WDPCP: variants seen among roughly 807,000 people sequenced by gnomAD.
WDPCP encodes WD repeat containing planar cell polarity effector.
WDPCP carries 71 observed loss-of-function variants against 93.1 expected under a neutral mutation model. The observed-to-expected ratio is 0.76, with a 90% CI of 0.63 to 0.93. The LOEUF is 0.93. WDPCP is among the 40% of genes least tolerant of loss of function. The pLI is 0.00. For missense variants in WDPCP, 844 were observed against 887.4 expected (o/e 0.95, Z 0.62); for synonymous variants, 315 against 315.0 (o/e 1.00, Z 0.00).
intron 9 of WDPCP, among the ~76,000 whole-genome samples, chr2:63,431,554 G>GAA (rs140153126): frequency 1.1e-4 from 15 of 136,984 alleles, no homozygotes; most frequent in African/African-American, 3.2e-4. Context: ...GGCTGCTACT[G>GAA]AAAAAAAAAA....
At chr2:63,297,072 C>A (rs1468214799) in intron 13 of WDPCP, among the ~76,000 whole-genome samples, 1 of 152,142 alleles carries the variant, frequency 6.6e-6, no homozygotes, top group Non-Finnish European at 1.5e-5. Context: ...ATAAGGATGG[C>A]ACCATGTCTG....
At chr2:63,332,621 G>A (rs1688062277) in intron 12 of WDPCP, among the ~76,000 whole-genome samples, 1 of 151,944 alleles carries the variant, frequency 6.6e-6, no homozygotes, top group South Asian at 2.1e-4. Context: ...ATATATGCTG[G>A]ATACAATACT....
At chr2:63,540,431 G>A (rs1333574621) in intron 1 of WDPCP, among the ~76,000 whole-genome samples, 1 of 152,128 alleles carries the variant, frequency 6.6e-6, no homozygotes, top group East Asian at 1.9e-4. Flanking sequence ...TCCTCTCATG[G>A]TGGGATAAGG....
At chr2:63,142,249 A>C (rs983834828) in intron 17 of WDPCP, among the ~76,000 whole-genome samples, 1 of 151,970 alleles carries the variant, frequency 6.6e-6, no homozygotes. Flanking sequence ...GTGCCCTTTC[A>C]GTCTTTTTGA....
rs1261114184 is a variant in WDPCP at position 63,581,463 on chromosome 2, A to C, written c.75+6734T>G. Among the ~76,000 whole-genome samples, 5 of 152,304 alleles carry C rather than the reference A, an allele frequency of 3.3e-5. No individual in the cohort carries two copies. The South Asian group carries it at 1.0e-3, about 32-fold the overall frequency. On this transcript the variant is annotated intron_variant, in intron 1 of 17. Coordinates refer to ENST00000272321, the MANE Select transcript of WDPCP (RefSeq NM_015910.7). ...TTACAGATAACAGTGCTTGGCACTCATATCGGGCTGGGAATAGTGCCTGTT... is the reference window on the plus strand; with the variant it reads ...TTACAGATAACAGTGCTTGGCACTCCTATCGGGCTGGGAATAGTGCCTGTT...
chr2:63,716,304 A>G (rs998234325), intron 2 of WDPCP, among the ~76,000 whole-genome samples: 4 of 152,196 alleles, frequency 2.6e-5, no homozygotes, highest in African/African-American at 9.7e-5. Context: ...CTTCATGATT[A>G]CTTTCTTATT....
In WDPCP at chr2:63,486,523, A is replaced by C; in HGVS notation, c.253+19T>G. On this transcript the variant is annotated intron_variant, in intron 4 of 17. Transcript: ENST00000272321. The stretch of plus-strand genomic sequence containing the variant: ...TTTACAGTTTTATAATAATTCCAAA[A>C]AATATAAAGTAAGCTTACACTCTGC... 1 of 1,556,790 alleles carries C rather than the reference A, an allele frequency of 6.4e-7. No individual in the cohort carries two copies. The highest frequency in any genetic ancestry group is 1.8e-5 in the Admixed American group (1 of 55,092).
chr2:63,413,945 A>G (rs1695213235), intron 9 of WDPCP, among the ~76,000 whole-genome samples: 1 of 152,110 alleles, frequency 6.6e-6, no homozygotes, highest in Non-Finnish European at 1.5e-5. Context: ...CAAAGGATTA[A>G]TATCTAGAAT....
chr2:63,636,211 A>G (rs1709919280), intron 3 of WDPCP, among the ~76,000 whole-genome samples: 1 of 152,238 alleles, frequency 6.6e-6, no homozygotes, highest in Admixed American at 6.5e-5. Context: ...CATTGAAGAC[A>G]TAAACAAATG....
chr2:63,493,633 CT>C (rs1457452979), intron 1 of WDPCP, among the ~76,000 whole-genome samples: 62 of 144,140 alleles, frequency 4.3e-4, no homozygotes, highest in Middle Eastern at 3.5e-3. Context: ...ACTATGAATA[CT>C]TTTTTTTTTT....
rs184068772 is a variant in WDPCP, at chr2:63,540,178, T to C, written c.76-47238A>G. Among the ~76,000 whole-genome samples, 236 of 152,336 alleles carry C rather than the reference T, an allele frequency of 1.5e-3. 1 individual carries two copies. Among genetic ancestry groups the C allele is most frequent in the African/African-American group, 5.0e-3 (208 of 41,584 alleles). ...GTATTTAATTTACTAATTATTTTTA[T>C]AAACAATAGACAAATATTTATTTGG... On this transcript the variant is annotated intron_variant, in intron 1 of 17. Coordinates refer to ENST00000272321, the MANE Select transcript of WDPCP (RefSeq NM_015910.7).
At chr2:63,625,559 G>A (rs563647348) in intron 3 of WDPCP, among the ~76,000 whole-genome samples, 9 of 152,232 alleles carry the variant, frequency 5.9e-5, no homozygotes, top group African/African-American at 2.2e-4. Context: ...GCCAAATCAT[G>A]AGTGAACTCC....
intron 14 of WDPCP, among the ~76,000 whole-genome samples, chr2:63,179,244 A>C (rs1477990483): frequency 6.6e-6 from 1 of 151,410 alleles, no homozygotes; most frequent in Non-Finnish European, 1.5e-5. Context: ...GGTAATTTAT[A>C]AAGAAAAGGG....
intron 2 of WDPCP, among the ~76,000 whole-genome samples, chr2:63,680,808 G>A (rs771328259): frequency 6.6e-6 from 1 of 152,160 alleles, no homozygotes; most frequent in Non-Finnish European, 1.5e-5. Flanking sequence ...GAGAAGAGGA[G>A]AGGGAACAGT....
chr2:63,324,120 C>G (rs886359677), intron 12 of WDPCP, among the ~76,000 whole-genome samples: 1 of 152,064 alleles, frequency 6.6e-6, no homozygotes, highest in African/African-American at 2.4e-5. Context: ...AAAATGGCCA[C>G]CTGAGGGAAG....
rs879251592 is a variant in WDPCP, at chr2:63,622,268, T to C, written n.488+28391A>G. 2.2e-5 allele frequency: 36 copies of C among 1,610,122 alleles called. No homozygotes were observed. The South Asian group carries it at 3.3e-4, about 15-fold the overall frequency. ...CTGTAGCTGCCAGTGCCGTCTCCTC[T>C]GCCTTCTCCTTGGCTTCCTTGGCTG... is the stretch of plus-strand genomic sequence containing the variant. On this transcript the variant is annotated intron_variant and non_coding_transcript_variant, in intron 3 of 4. Transcript: ENST00000467687.
At chr2:63,601,909 T>C (rs1709425782) in intron 3 of WDPCP, among the ~76,000 whole-genome samples, 1 of 152,210 alleles carries the variant, frequency 6.6e-6, no homozygotes, top group African/African-American at 2.4e-5. Context: ...AGTATAAATA[T>C]AAGAGCAGTT....
chr2:63,253,613 T>G (rs1680911759), intron 14 of WDPCP, among the ~76,000 whole-genome samples: 1 of 152,064 alleles, frequency 6.6e-6, no homozygotes, highest in Non-Finnish European at 1.5e-5. Flanking sequence ...AAAGCAGACA[T>G]ACAAGCAGTC....
At chr2:63,763,051 C>A (rs1670080711) in intron 2 of WDPCP, among the ~76,000 whole-genome samples, 1 of 152,168 alleles carries the variant, frequency 6.6e-6, no homozygotes, top group South Asian at 2.1e-4. Flanking sequence ...AGCTCACTTT[C>A]ATCTTCTGAT....
Sources: gnomAD v4.1 joint callset for allele counts (sites outside exome capture counted in the v4.1 genomes callset) on GRCh38, gnomAD v4.1.1 for gene constraint, MANE v1.5 for transcripts, NCBI Gene and HGNC (gene_info 2026-07-23, HGNC 2026-07-21) for gene names.